NCKAP1: variants seen among roughly 807,000 people sequenced by gnomAD.
NCKAP1 encodes the protein NCK associated protein 1.
A neutral mutation model predicts 151.2 loss-of-function variants in NCKAP1; 21 were observed. The ratio of observed to expected loss-of-function variants is 0.14; its 90% CI spans 0.10 to 0.20. The LOEUF is 0.20. Ranked by LOEUF, NCKAP1 falls within the 10% of genes least tolerant of loss-of-function variation. The pLI, the probability that NCKAP1 is intolerant of heterozygous loss-of-function variation, is 1.00. For missense variants in NCKAP1, 933 were observed against 1,352.1 expected (o/e 0.69, Z 4.86); for synonymous variants, 484 against 451.8 (o/e 1.07, Z -0.90).
chr2:182,959,786 G>A (rs1212190722), intron 18 of NCKAP1, among the ~76,000 whole-genome samples: 1 of 152,218 alleles, frequency 6.6e-6, no homozygotes, highest in Non-Finnish European at 1.5e-5. Context: ...TAGGAAAAGA[G>A]AAAGTCAAAT....
At chr2:182,985,800 CA>C (rs79099011) in intron 10 of NCKAP1, among the ~76,000 whole-genome samples, 8,667 of 69,578 alleles carry the variant, frequency 0.12, 232 homozygotes, top group Non-Finnish European at 0.16. Flanking sequence ...GAGACTGTCT[CA>C]AAAAAAAAAA....
chr2:183,002,998 G>T lies in NCKAP1; in HGVS notation c.345C>A (p.Asp115Glu). ...CAATATCAAAGAAGACTTGGCAAAC[G>T]TCAATAGTATTCAGCAATTCACAAA... ...DHVCELLNTI[D>E]VCQVFFDITV... Residue 115 changes from aspartate (D) to glutamate (E), a missense_variant, in exon 4 of 31, where the codon GAC (aspartate) becomes GAA (glutamate). This residue lies in a region of NCKAP1 where 607 missense variants were observed against 795.0 expected (regional missense o/e 0.76). Coordinates refer to ENST00000361354, the MANE Select transcript of NCKAP1 (RefSeq NM_013436.5). The T allele has an allele frequency of 6.2e-7, 1 of 1,608,442 alleles. No homozygotes were observed. The highest frequency in any genetic ancestry group is 8.5e-7 in the Non-Finnish European group (1 of 1,176,222).
At chr2:182,987,373 T>C (rs569684004) in intron 9 of NCKAP1, among the ~76,000 whole-genome samples, 1 of 152,174 alleles carries the variant, frequency 6.6e-6, no homozygotes, top group African/African-American at 2.4e-5. Context: ...AATTCTGTAA[T>C]CATCACCCTC....
chr2:182,970,003 A>G, intron 15 of NCKAP1, among the ~76,000 whole-genome samples: 1 of 152,122 alleles, frequency 6.6e-6, no homozygotes, highest in East Asian at 1.9e-4. Context: ...ACTATATGTC[A>G]AAGAACTGGA....
intron 6 of NCKAP1, among the ~76,000 whole-genome samples, chr2:182,996,113 T>C (rs886642282): frequency 6.6e-6 from 1 of 152,234 alleles, no homozygotes; most frequent in African/African-American, 2.4e-5. Context: ...TACGTGGCAA[T>C]CTTGGGAACT....
At chr2:182,977,377 C>A (rs992810888) in intron 14 of NCKAP1, among the ~76,000 whole-genome samples, 1 of 152,112 alleles carries the variant, frequency 6.6e-6, no homozygotes, top group Non-Finnish European at 1.5e-5. Flanking sequence ...GTAGTCCCAG[C>A]TACTCGGGAG....
intron 27 of NCKAP1, among the ~76,000 whole-genome samples, chr2:182,929,739 G>A (rs910553207): frequency 2.8e-5 from 4 of 145,078 alleles, no homozygotes; most frequent in Non-Finnish European, 6.0e-5. Context: ...TATGAATGAG[G>A]AAACAAAATT....
chr2:182,947,549 G>A (rs1389224424), intron 23 of NCKAP1, among the ~76,000 whole-genome samples: 1 of 152,098 alleles, frequency 6.6e-6, no homozygotes, highest in Non-Finnish European at 1.5e-5. Context: ...CGTCAGCCTA[G>A]AAATACTTCA....
At position 182,981,230 on chromosome 2, in the gene NCKAP1, G is replaced by A; in HGVS notation, c.1341+14C>T. On this transcript the variant is annotated intron_variant, in intron 13 of 30. Transcript: ENST00000361354. Reference sequence around the variant, plus strand: ...GGAAGGAACAAAAGGGAAATAGTATGAGATAGTTTTTACCTGCACGAGTTC... The same window carrying A: ...GGAAGGAACAAAAGGGAAATAGTATAAGATAGTTTTTACCTGCACGAGTTC... The A allele has an allele frequency of 1.9e-6, 3 of 1,610,852 alleles. No individual in the cohort carries two copies. Among genetic ancestry groups the A allele is most frequent in the Non-Finnish European group, 2.5e-6 (3 of 1,178,546 alleles).
chr2:182,994,569 G>A (rs549754925), intron 8 of NCKAP1, among the ~76,000 whole-genome samples: 7 of 151,952 alleles, frequency 4.6e-5, no homozygotes, highest in African/African-American at 1.2e-4. Context: ...AACCCAGGAG[G>A]CGGAGGTTGC....
At chr2:183,000,913 T>C (rs1698362386) in intron 6 of NCKAP1, among the ~76,000 whole-genome samples, 1 of 151,984 alleles carries the variant, frequency 6.6e-6, no homozygotes, top group South Asian at 2.1e-4. Context: ...GGAAATATGG[T>C]GAAACCCTGT....
chr2:182,965,144 A>G (rs6433999), intron 16 of NCKAP1, among the ~76,000 whole-genome samples: 10,673 of 152,094 alleles, frequency 0.07, 654 homozygotes, highest in African/African-American at 0.17. Flanking sequence ...TAATCTCAGC[A>G]CTTTGGGAGG....
intron 2 of NCKAP1, among the ~76,000 whole-genome samples, chr2:183,003,684 C>T (rs1489844845): frequency 1.3e-5 from 2 of 152,012 alleles, no homozygotes; most frequent in Non-Finnish European, 2.9e-5. Flanking sequence ...AAAAACATTA[C>T]AACTCACACT....
chr2:182,972,624 G>A (rs1417535305), intron 15 of NCKAP1, among the ~76,000 whole-genome samples: 3 of 152,130 alleles, frequency 2.0e-5, no homozygotes, highest in Non-Finnish European at 2.9e-5. Flanking sequence ...CATGTTTATT[G>A]CAGCAATATT....
Position 182,934,797 on chromosome 2 carries a change from T to C in NCKAP1, c.2814A>G (p.Ser938=), listed in dbSNP as rs1439996448. The C allele has an allele frequency of 1.3e-6, 2 of 1,487,108 alleles. No homozygotes were observed. The highest frequency in any genetic ancestry group is 1.9e-6 in the Non-Finnish European group (2 of 1,069,960). 92.1% of individuals were successfully genotyped at this position (1,487,108 alleles called of 1,614,324 possible). A position where few individuals can be genotyped will look rare whatever the true frequency, so the allele number is the denominator to read the frequency against. The change falls in exon 26 of 31, where the codon TCA becomes TCG. Residue 938 remains serine (S), a synonymous_variant. Transcript: ENST00000361354. ...LSYHIPFLVS[S]IEDFKDHIPR... is the part of the protein sequence containing the mutation. ...GAATGTGATCCTTAAAATCTTCAAT[T>C]GAACTTACAAGAAAAGGAATGTGGT... is the stretch of plus-strand genomic sequence containing the variant.
chr2:182,956,098 G>C (rs1697321373), intron 20 of NCKAP1, among the ~76,000 whole-genome samples: 1 of 152,176 alleles, frequency 6.6e-6, no homozygotes. Context: ...CTGGAGTGCA[G>C]TGGCATGATC....
intron 7 of NCKAP1, 103 bp downstream of exon 7, chr2:182,995,595 CTAA>C: frequency 9.4e-7 from 1 of 1,063,418 alleles, no homozygotes; most frequent in Non-Finnish European, 1.3e-6. Context: ...TGAACTTCAA[CTAA>C]TAAGCTAATG....
rs12614071 is a variant in NCKAP1 at position 182,919,798 on chromosome 2, C to T, written c.*5904G>A. 0.1 allele frequency: 15,388 copies of T among 151,608 alleles called. 1,107 individuals carry two copies. Among genetic ancestry groups the T allele is most frequent in the African/African-American group, 0.2 (8,224 of 41,344 alleles). The allele number at this position is 151,608 out of a possible 1,614,324, so 9.4% of individuals were successfully genotyped here. A position where few individuals can be genotyped will look rare whatever the true frequency, so the allele number is the denominator to read the frequency against. On this transcript the variant is annotated 3_prime_UTR_variant, in exon 31 of 31. Transcript: ENST00000361354. ...TCCTGAGTAGCTGGGATTACAGGCG[C>T]GAGCCACAAAGCCCAGCTAATTTTT...
rs1463354265 is a variant in NCKAP1, at chr2:182,924,952, A to G, written c.*750T>C. 1 of 152,150 alleles carries G rather than the reference A, an allele frequency of 6.6e-6. No homozygotes were observed. Among genetic ancestry groups the G allele is most frequent in the East Asian group, 1.9e-4 (1 of 5,200 alleles). The allele number at this position is 152,150 out of a possible 1,614,324, so 9.4% of individuals were successfully genotyped here. The stretch of plus-strand genomic sequence containing the variant: ...CACTTGAATTTCAAAAATTTAAAAC[A>G]TATATAAAAAGTGGTTAGGGACTAA... On this transcript the variant is annotated 3_prime_UTR_variant, in exon 31 of 31. Transcript: ENST00000361354.
Sources: gnomAD v4.1 joint callset for allele counts (sites outside exome capture counted in the v4.1 genomes callset) on GRCh38, gnomAD v4.1.1 for gene constraint, gnomAD v4.1.1 regional missense constraint, MANE v1.5 for transcripts, NCBI Gene and HGNC (gene_info 2026-07-23, HGNC 2026-07-21) for gene names.